Variants in SYNDIG1 observed in about 807,000 individuals in gnomAD.
SYNDIG1 encodes synapse differentiation inducing 1.
SYNDIG1 carries 9 observed loss-of-function variants against 19.4 expected under a neutral mutation model. The observed-to-expected ratio is 0.46, with a 90% CI of 0.28 to 0.81. SYNDIG1 has a LOEUF of 0.81. Among genes scored for constraint, SYNDIG1 ranks in the 30% least tolerant of loss-of-function variants. The pLI is 0.12. For synonymous variants in SYNDIG1, 141 were observed against 145.9 expected (o/e 0.97, Z 0.24); for missense variants, 311 against 343.3 (o/e 0.91, Z 0.74).
intron 3 of SYNDIG1, among the ~76,000 whole-genome samples, chr20:24,614,486 G>A (rs796817148): frequency 7.2e-5 from 11 of 152,228 alleles, no homozygotes; most frequent in South Asian, 2.1e-4. Flanking sequence ...CAAACCTCCC[G>A]TTCTTCAGTG....
chr20:24,580,498 C>T (rs1232546249), intron 2 of SYNDIG1, among the ~76,000 whole-genome samples: 2 of 152,200 alleles, frequency 1.3e-5, no homozygotes, highest in Non-Finnish European at 2.9e-5. Context: ...GCAACCTCCA[C>T]TCCCTGGGTT....
chr20:24,498,378 T>C (rs1182758217), intron 1 of SYNDIG1, among the ~76,000 whole-genome samples: 1 of 152,216 alleles, frequency 6.6e-6, no homozygotes, highest in African/African-American at 2.4e-5. Flanking sequence ...GTGTATATTA[T>C]AAGTGTATAT....
chr20:24,618,924 A>G (rs1439727003), intron 3 of SYNDIG1, among the ~76,000 whole-genome samples: 2 of 152,118 alleles, frequency 1.3e-5, no homozygotes, highest in African/African-American at 4.8e-5. Flanking sequence ...TATTTCCTTA[A>G]TTGCAACAAC....
chr20:24,661,839 A>C (rs1409897599), intron 3 of SYNDIG1, among the ~76,000 whole-genome samples: 11 of 152,116 alleles, frequency 7.2e-5, no homozygotes, highest in Non-Finnish European at 2.9e-5. Context: ...TGCCACCTTC[A>C]CAAGAAGCCA....
At chr20:24,527,855 C>T (rs1306592931) in intron 1 of SYNDIG1, among the ~76,000 whole-genome samples, 1 of 152,150 alleles carries the variant, frequency 6.6e-6, no homozygotes, top group Non-Finnish European at 1.5e-5. Context: ...AGCCTGGCAA[C>T]CTGGGGCTTA....
chr20:24,586,288 T>C (rs888819434), intron 3 of SYNDIG1, among the ~76,000 whole-genome samples: 4 of 152,206 alleles, frequency 2.6e-5, no homozygotes, highest in Admixed American at 1.3e-4. Flanking sequence ...CAGACCCAGC[T>C]TTGATCTTGA....
At chr20:24,650,723 G>A (rs116614042) in intron 3 of SYNDIG1, among the ~76,000 whole-genome samples, 166 of 152,298 alleles carry the variant, frequency 1.1e-3, no homozygotes, top group African/African-American at 3.8e-3. Flanking sequence ...CTGTTTGATC[G>A]TGTGAAAACA....
chr20:24,555,772 G>A (rs1183506904), intron 2 of SYNDIG1, among the ~76,000 whole-genome samples: 3 of 152,152 alleles, frequency 2.0e-5, no homozygotes, highest in Non-Finnish European at 4.4e-5. Flanking sequence ...TGAAAAAAAT[G>A]TATATTCTGT....
intron 1 of SYNDIG1, among the ~76,000 whole-genome samples, chr20:24,516,716 G>C (rs545030360): frequency 6.6e-6 from 1 of 152,328 alleles, no homozygotes; most frequent in East Asian, 1.9e-4. Flanking sequence ...TTACACTGTT[G>C]GTTGGACTGT....
chr20:24,511,954 G>A (rs1321156915), intron 1 of SYNDIG1, among the ~76,000 whole-genome samples: 1 of 151,616 alleles, frequency 6.6e-6, no homozygotes, highest in African/African-American at 2.4e-5. Context: ...TGACTCCTGT[G>A]TAGGCATTTA....
At chr20:24,635,109 C>T (rs1283270771) in intron 3 of SYNDIG1, among the ~76,000 whole-genome samples, 23 of 152,180 alleles carry the variant, frequency 1.5e-4, no homozygotes, top group Admixed American at 1.4e-3. Flanking sequence ...ACCCTGCCAG[C>T]GGGAAGCCTC....
At chr20:24,623,134 ATGCCCC>A (rs2059064606) in intron 3 of SYNDIG1, among the ~76,000 whole-genome samples, 1 of 151,304 alleles carries the variant, frequency 6.6e-6, no homozygotes, top group Non-Finnish European at 1.5e-5. Context: ...AGCTGAGATC[ATGCCCC>A]TGCACTCCAG....
chr20:24,614,306 A>G (rs1414100589), intron 3 of SYNDIG1, among the ~76,000 whole-genome samples: 1 of 152,196 alleles, frequency 6.6e-6, no homozygotes, highest in African/African-American at 2.4e-5. Flanking sequence ...ACCCAGCCTC[A>G]CTCTGAGATA....
chr20:24,581,751 C>CCTCCATGTTGCATGGG, intron 2 of SYNDIG1, among the ~76,000 whole-genome samples: 1 of 151,938 alleles, frequency 6.6e-6, no homozygotes, highest in Non-Finnish European at 1.5e-5. Flanking sequence ...CACTGCATTT[C>CCTCCATGTTGCATGGG]CTCCATGTTG....
intron 1 of SYNDIG1, among the ~76,000 whole-genome samples, chr20:24,487,123 A>G (rs1014615814): frequency 6.6e-6 from 1 of 152,162 alleles, no homozygotes; most frequent in Non-Finnish European, 1.5e-5. Context: ...ACAGGAGGGA[A>G]GAAATGGCTT....
intron 2 of SYNDIG1, among the ~76,000 whole-genome samples, chr20:24,582,761 A>G (rs143169809): frequency 1.2e-3 from 182 of 152,310 alleles, no homozygotes; most frequent in African/African-American, 4.3e-3. Flanking sequence ...AATGTGCAGA[A>G]TAAAGAGAAG....
chr20:24,600,388 A>G (rs1185182508), intron 3 of SYNDIG1, among the ~76,000 whole-genome samples: 12 of 152,164 alleles, frequency 7.9e-5, no homozygotes, highest in Non-Finnish European at 1.8e-4. Flanking sequence ...TTTTAAAGCA[A>G]GTGGCCAAGT....
intron 3 of SYNDIG1, among the ~76,000 whole-genome samples, chr20:24,610,451 CG>C (rs772260266): frequency 2.6e-5 from 4 of 152,090 alleles, no homozygotes; most frequent in African/African-American, 4.8e-5. Context: ...GCTCTGCACA[CG>C]GGGGGGCGAG....
At chr20:24,659,504 G>A (rs1248081825) in intron 3 of SYNDIG1, among the ~76,000 whole-genome samples, 1 of 152,236 alleles carries the variant, frequency 6.6e-6, no homozygotes, top group Non-Finnish European at 1.5e-5. Flanking sequence ...TGAGTGCTGG[G>A]TGGAGACACA....
Sources: gnomAD v4.1 joint callset for allele counts (sites outside exome capture counted in the v4.1 genomes callset) on GRCh38, gnomAD v4.1.1 for gene constraint, MANE v1.5 for transcripts, NCBI Gene and HGNC (gene_info 2026-07-23, HGNC 2026-07-21) for gene names.